ERBB4: variants seen among roughly 807,000 people sequenced by gnomAD.
The protein encoded by ERBB4 is receptor tyrosine-protein kinase erbB-4.
ERBB4 carries 42 observed loss-of-function variants against 158.0 expected under a neutral mutation model. The observed-to-expected ratio is 0.27, with a 90% confidence interval of 0.21 to 0.34. The LOEUF (loss-of-function observed/expected upper bound fraction) is 0.34. Among genes scored for constraint, ERBB4 ranks in the 10% least tolerant of loss-of-function variants. The probability of loss-of-function intolerance (pLI) is 1.00; values close to 1 mark genes in which losing one functional copy is unlikely to be tolerated. For synonymous variants in ERBB4, 583 were observed against 558.7 expected, an observed-to-expected ratio of 1.04 and a Z score of -0.61; for missense variants, 1,333 against 1,624.1, an observed-to-expected ratio of 0.82 and a Z score of 3.08.
intron 19 of ERBB4, among the ~76,000 whole-genome samples, chr2:211,567,568 T>C (rs865996625): frequency 6.6e-6 from 1 of 152,166 alleles, no homozygotes. Flanking sequence ...GGGTTACTTT[T>C]GCATTTGAAA....
At chr2:212,502,754 T>C (rs1690963465) in intron 1 of ERBB4, among the ~76,000 whole-genome samples, 1 of 152,172 alleles carries the variant, frequency 6.6e-6, no homozygotes, top group African/African-American at 2.4e-5. Context: ...ACTTTCCACA[T>C]GCCACCTTCC....
At chr2:211,651,108 A>T (rs954545631) in intron 16 of ERBB4, among the ~76,000 whole-genome samples, 3 of 152,202 alleles carry the variant, frequency 2.0e-5, no homozygotes, top group South Asian at 2.1e-4. Flanking sequence ...ATGCAGCATG[A>T]GCACCTGGAA....
intron 7 of ERBB4, among the ~76,000 whole-genome samples, chr2:211,713,855 T>C (rs1449167200): frequency 6.6e-6 from 1 of 152,190 alleles, no homozygotes; most frequent in Non-Finnish European, 1.5e-5. Flanking sequence ...CAACTAGTAC[T>C]TGCTTGGTTA....
At chr2:211,721,463 A>AAAAAAAAAAAAAAAAAG in intron 7 of ERBB4, among the ~76,000 whole-genome samples, 2 of 149,174 alleles carry the variant, frequency 1.3e-5, no homozygotes, top group Non-Finnish European at 3.0e-5. Context: ...AAAAAAAAAA[A>AAAAAAAAAAAAAAAAAG]AATAGAGTCA....
intron 9 of ERBB4, among the ~76,000 whole-genome samples, chr2:211,705,928 G>C (rs1402359124): frequency 6.6e-6 from 1 of 151,976 alleles, no homozygotes; most frequent in Non-Finnish European, 1.5e-5. Context: ...ACATTGTCCA[G>C]AAGTCTCTCT....
At chr2:212,149,867 C>T (rs566296625) in intron 1 of ERBB4, among the ~76,000 whole-genome samples, 48 of 152,172 alleles carry the variant, frequency 3.2e-4, no homozygotes, top group African/African-American at 1.1e-3. Flanking sequence ...TAAGACAATA[C>T]AAAGTGTCAT....
intron 2 of ERBB4, among the ~76,000 whole-genome samples, chr2:211,964,557 C>T (rs371294552): frequency 2.4e-4 from 37 of 152,122 alleles, no homozygotes; most frequent in African/African-American, 8.7e-4. Context: ...AAACTTTCAC[C>T]TCTCTTGTCT....
intron 3 of ERBB4, among the ~76,000 whole-genome samples, chr2:211,851,080 T>C (rs186412516): frequency 1.3e-5 from 2 of 152,050 alleles, no homozygotes; most frequent in East Asian, 3.9e-4. Flanking sequence ...CCTTTAGAAC[T>C]AACCAGCCTG....
chr2:212,251,697 T>A lies in ERBB4; in HGVS notation c.83-126794A>T, dbSNP rs566726661. ...TGCCCAATATATTTTAGGTATTTTT[T>A]AAAAAAAAGGTTAATACTTCAGAAG... On this transcript the variant is annotated intron_variant, in intron 1 of 27. Coordinates refer to ENST00000342788, the MANE Select transcript of ERBB4 (RefSeq NM_005235.3). Among the ~76,000 whole-genome samples, 5 of 151,852 alleles carry A rather than the reference T, an allele frequency of 3.3e-5. No individual in the cohort carries two copies. In the South Asian group the frequency reaches 6.2e-4, roughly 19 times the overall value.
At chr2:211,559,229 C>T (rs1344216801) in intron 20 of ERBB4, among the ~76,000 whole-genome samples, 1 of 152,174 alleles carries the variant, frequency 6.6e-6, no homozygotes, top group Non-Finnish European at 1.5e-5. Context: ...TCCTTATTGG[C>T]ATTGCCTCCA....
intron 1 of ERBB4, among the ~76,000 whole-genome samples, chr2:212,249,169 A>G (rs563566811): frequency 9.9e-5 from 15 of 152,198 alleles, no homozygotes; most frequent in Non-Finnish European, 1.9e-4. Flanking sequence ...AGGTAAATTC[A>G]CTGTATTCCT....
intron 20 of ERBB4, among the ~76,000 whole-genome samples, chr2:211,472,799 C>A (rs954687724): frequency 2.6e-5 from 4 of 151,918 alleles, no homozygotes; most frequent in Admixed American, 1.3e-4. Context: ...ATCGGAATCA[C>A]CTACGGAAAT....
chr2:211,472,685 A>G (rs1005327612), intron 20 of ERBB4, among the ~76,000 whole-genome samples: 1 of 151,850 alleles, frequency 6.6e-6, no homozygotes, highest in Non-Finnish European at 1.5e-5. Flanking sequence ...TTATTCTTCA[A>G]TCAGTCACAT....
At chr2:211,745,058 T>C (rs1375662598) in intron 5 of ERBB4, among the ~76,000 whole-genome samples, 1 of 152,208 alleles carries the variant, frequency 6.6e-6, no homozygotes, top group Non-Finnish European at 1.5e-5. Flanking sequence ...ACATAGCATG[T>C]TTTCTGATTT....
chr2:212,157,778 C>T (rs981882193), intron 1 of ERBB4, among the ~76,000 whole-genome samples: 6 of 152,046 alleles, frequency 3.9e-5, no homozygotes, highest in African/African-American at 1.4e-4. Context: ...AGGAAATATT[C>T]GTTTAATGAA....
chr2:212,361,435 T>C (rs903109831), intron 1 of ERBB4, among the ~76,000 whole-genome samples: 5 of 151,602 alleles, frequency 3.3e-5, no homozygotes, highest in Non-Finnish European at 7.4e-5. Context: ...AGGTTTTGCA[T>C]ATAGGCTGTC....
At chr2:212,517,352 A>G (rs1691906466) in intron 1 of ERBB4, among the ~76,000 whole-genome samples, 1 of 152,096 alleles carries the variant, frequency 6.6e-6, no homozygotes, top group Non-Finnish European at 1.5e-5. Flanking sequence ...GCATCTTTAT[A>G]TTCAATCAGT....
Position 211,383,523 on chromosome 2 carries a change from C to G in ERBB4, c.*92G>C. The G allele has an allele frequency of 9.7e-7, 1 of 1,035,910 alleles. No homozygotes were observed. The highest frequency in any genetic ancestry group is 1.5e-6 in the Non-Finnish European group (1 of 663,282). 64.2% of individuals were successfully genotyped at this position (1,035,910 alleles called of 1,614,324 possible). A position where few individuals can be genotyped will look rare whatever the true frequency, so the allele number is the denominator to read the frequency against. On this transcript the variant is annotated 3_prime_UTR_variant, in exon 28 of 28. Transcript: ENST00000342788. ...CACTGGGAAGTGTCAAAACTACTGG[C>G]CTTGGGGTAGAAGGAAGACCACCAG...
chr2:211,997,167 T>C (rs949186858), intron 2 of ERBB4, among the ~76,000 whole-genome samples: 1 of 152,160 alleles, frequency 6.6e-6, no homozygotes, highest in African/African-American at 2.4e-5. Flanking sequence ...CAAATGTAGA[T>C]GAGTGTCTTT....
Sources: allele counts gnomAD v4.1 joint callset (sites outside exome capture counted in the v4.1 genomes callset), GRCh38; gene constraint gnomAD v4.1.1; transcripts MANE v1.5; gene names NCBI Gene and HGNC (gene_info 2026-07-23, HGNC 2026-07-21).